The following ILK variants were observed in gnomAD, a reference collection of about 807,000 sequenced individuals.
ILK encodes integrin linked kinase, also known as scaffold protein ILK.
Under a neutral mutation model 57.8 loss-of-function variants are expected in ILK, and 37 were observed. The ratio of observed to expected loss-of-function variants is 0.64; its 90% confidence interval spans 0.49 to 0.84. ILK has a LOEUF of 0.84. Ranked by LOEUF, ILK falls within the 40% of genes least tolerant of loss-of-function variation. The pLI, the probability that ILK is intolerant of heterozygous loss-of-function variation, is 0.00. For synonymous variants in ILK, 231 were observed against 202.2 expected (o/e 1.14, Z -1.21); for missense variants, 528 against 595.7 (o/e 0.89, Z 1.18).
At chr11:6,606,942 A>G (rs1589931031) in intron 2 of ILK, 1 of 152,238 alleles carries the variant, frequency 6.6e-6, no homozygotes, top group East Asian at 1.9e-4. Context: ...TCTCAAGGAA[A>G]AGCTTTTGGC....
Position 6,608,426 on chromosome 11 carries a change from G to T in ILK, c.288G>T (p.Val96=). Reference sequence around the variant, plus strand: ...AGTACAAGGCAGACATCAATGCAGTGAATGAACACGGGAATGTGCCCCTGC... The same window carrying T: ...AGTACAAGGCAGACATCAATGCAGTTAATGAACACGGGAATGTGCCCCTGC... ...LLQYKADINA[V]NEHGNVPLHY... is the part of the protein sequence containing the mutation. Residue 96 remains valine, a synonymous_variant, in exon 4 of 13, where the codon GTG becomes GTT. Coordinates refer to ENST00000299421, the MANE Select transcript of ILK (RefSeq NM_004517.4). This position sits in a 1 kb window ranked among gnomAD's most constrained non-coding sequence, Gnocchi z 4.9. 6.2e-7 allele frequency: 1 copy of T among 1,614,206 alleles called. No homozygotes were observed. Among genetic ancestry groups the T allele is most frequent in the South Asian group, 1.1e-5 (1 of 91,086 alleles).
Position 6,608,784 on chromosome 11 carries a change from C to T in ILK, c.442C>T (p.Leu148Phe). ...DKAKAPLREL[L>F]RERAEKMGQN... Reference sequence around the variant, plus strand: ...AGCCAAGGCACCCCTGAGAGAGCTTCTCCGAGGTCCATCTCCCCATCCCCT... The same window carrying T: ...AGCCAAGGCACCCCTGAGAGAGCTTTTCCGAGGTCCATCTCCCCATCCCCT... The change falls in exon 5 of 13, where the codon CTC becomes TTC. Residue 148 changes from leucine (L) to phenylalanine (F), a missense_variant. Coordinates refer to ENST00000299421, the MANE Select transcript of ILK (RefSeq NM_004517.4). The surrounding 1 kb of genome is among the most constrained non-coding windows in gnomAD (Gnocchi z 4.9). 6.2e-7 allele frequency: 1 copy of T among 1,613,788 alleles called. No individual in the cohort carries two copies. Among genetic ancestry groups the T allele is most frequent in the Non-Finnish European group, 8.5e-7 (1 of 1,179,670 alleles).
intron 2 of ILK, chr11:6,606,732 G>C (rs1440815375): frequency 6.6e-6 from 1 of 152,266 alleles, no homozygotes. Flanking sequence ...GTCTTCTTGA[G>C]ATAGAAGTCC....
chr11:6,610,238 T>C lies in ILK; in HGVS notation c.1169T>C (p.Val390Ala), dbSNP rs989611359. 1.2e-6 allele frequency: 2 copies of C among 1,614,162 alleles called. No individual in the cohort carries two copies. The highest frequency in any genetic ancestry group is 3.3e-5 in the Admixed American group (2 of 60,022). Residue 390 changes from valine to alanine, a missense_variant, in exon 12 of 13, where the codon GTA becomes GCA. By Grantham distance (64) the Val-to-Ala change is moderately conservative. Transcript: ENST00000299421. ...CTGTGGGAACTGGTGACACGGGAGGTACCCTTTGCTGACCTCTCCAATATG... is the reference window on the plus strand; with the variant it reads ...CTGTGGGAACTGGTGACACGGGAGGCACCCTTTGCTGACCTCTCCAATATG... Reference protein sequence around the residue: ...VLLWELVTREVPFADLSNMEI... With the variant: ...VLLWELVTREAPFADLSNMEI...
At position 6,609,118 on chromosome 11, in the gene ILK, A is replaced by G. The variant is rs761882549; in HGVS notation, c.580A>G (p.Asn194Asp). The G allele has an allele frequency of 6.4e-5, 104 of 1,614,074 alleles. No homozygotes were observed. Among genetic ancestry groups the G allele is most frequent in the Non-Finnish European group, 8.7e-5 (103 of 1,180,022 alleles). ...KHSGIDFKQL[N>D]FLTKLNENHS... ...CTCTGGCATTGACTTCAAACAGCTTAACTTCCTGACGAAGCTCAACGAGAA... is the reference window on the plus strand; with the variant it reads ...CTCTGGCATTGACTTCAAACAGCTTGACTTCCTGACGAAGCTCAACGAGAA... The change falls in exon 7 of 13, where the codon AAC becomes GAC. Residue 194 changes from asparagine to aspartate, a missense_variant. By Grantham distance (23) the Asn-to-Asp change is conservative (BLOSUM62 1). Transcript: ENST00000299421.
Position 6,604,309 on chromosome 11 carries a change from C to T in ILK, c.38C>T (p.Ala13Val). 1 of 1,612,956 alleles carries T rather than the reference C, an allele frequency of 6.2e-7. No individual in the cohort carries two copies. The highest frequency in any genetic ancestry group is 1.3e-5 in the African/African-American group (1 of 75,044). Residue 13 changes from alanine to valine, a missense_variant, in exon 2 of 13, where the codon GCA becomes GTA. By Grantham distance (64) the Ala-to-Val change is moderately conservative (BLOSUM62 0). Coordinates refer to ENST00000299421, the MANE Select transcript of ILK (RefSeq NM_004517.4). ...TTCACTCAGTGCCGGGAGGGCAACG[C>T]AGTCGCCGTTCGCCTGTGGCTGGAC... ...DIFTQCREGN[A>V]VAVRLWLDNT...
Position 6,610,493 on chromosome 11 carries a change from C to T in ILK, c.1241C>T (p.Pro414Leu). 4.3e-6 allele frequency: 7 copies of T among 1,614,224 alleles called. No homozygotes were observed. The highest frequency in any genetic ancestry group is 5.9e-6 in the Non-Finnish European group (7 of 1,180,040). ...VALEGLRPTI[P>L]PGISPHVCKL... is the part of the protein sequence containing the mutation. Reference sequence around the variant, plus strand: ...TTGGAAGGCCTTCGGCCTACCATCCCACCAGGTATTTCCCCTCATGTGTGT... The same window carrying T: ...TTGGAAGGCCTTCGGCCTACCATCCTACCAGGTATTTCCCCTCATGTGTGT... The change falls in exon 13 of 13, where the codon CCA (proline) becomes CTA (leucine). Residue 414 changes from proline (P) to leucine (L), a missense_variant. Coordinates refer to ENST00000299421, the MANE Select transcript of ILK (RefSeq NM_004517.4).
rs774653281 is a variant in ILK, at chr11:6,608,424, GTGAA to G, written c.291_294del (p.Glu98ThrfsTer46). 1 of 1,614,064 alleles carries G rather than the reference GTGAA, an allele frequency of 6.2e-7. No individual in the cohort carries two copies. The highest frequency in any genetic ancestry group is 1.3e-5 in the African/African-American group (1 of 74,942). On this transcript the variant is annotated frameshift_variant, in exon 4 of 13. Transcript: ENST00000299421. LOFTEE classifies it high-confidence loss of function. This position sits in a 1 kb window ranked among gnomAD's most constrained non-coding sequence, Gnocchi z 4.9. Reference sequence around the variant, plus strand: ...GCAGTACAAGGCAGACATCAATGCAGTGAATGAACACGGGAATGTGCCCCTGCAC... The same window carrying G: ...GCAGTACAAGGCAGACATCAATGCAGTGAACACGGGAATGTGCCCCTGCAC...
In ILK at chr11:6,608,815, G is replaced by T. The variant is rs749988061; in HGVS notation, c.448+25G>T. 5.6e-6 allele frequency: 9 copies of T among 1,612,674 alleles called. No individual in the cohort carries two copies. The Admixed American group carries it at 6.7e-5, about 12-fold the overall frequency. On this transcript the variant is annotated intron_variant, in intron 5 of 12. Coordinates refer to ENST00000299421, the MANE Select transcript of ILK (RefSeq NM_004517.4). The surrounding 1 kb of genome is among the most constrained non-coding windows in gnomAD (Gnocchi z 4.9). ...GGTCCATCTCCCCATCCCCTAGCTT[G>T]TGTCCTCTCGTCCCTTCCCACCTGT...
rs371539613 is a variant in ILK at position 6,608,215 on chromosome 11, C to T, written c.255+4C>T. On this transcript the variant is annotated splice_donor_region_variant and intron_variant, in intron 3 of 12. Transcript: ENST00000299421. This position sits in a 1 kb window ranked among gnomAD's most constrained non-coding sequence, Gnocchi z 4.9. ...ACACCGTGATATTGTACAGAAGGTA[C>T]GTACAAACTCCTTCGTCATCCACAT... The T allele has an allele frequency of 8.7e-5, 141 of 1,613,970 alleles. No individual in the cohort carries two copies. Among genetic ancestry groups the T allele is most frequent in the African/African-American group, 4.0e-5 (3 of 74,926 alleles).
chr11:6,610,411 T>A, intron 12 of ILK, 51 bp from the exon 13 acceptor site: 5 of 1,614,014 alleles, frequency 3.1e-6, no homozygotes, highest in Non-Finnish European at 4.2e-6. Flanking sequence ...GTGGCTTCTC[T>A]CTACATGACA....
Position 6,610,693 on chromosome 11 carries a change from G to C in ILK, c.*82G>C, listed in dbSNP as rs1195889512. 2 of 1,559,718 alleles carry C rather than the reference G, an allele frequency of 1.3e-6. No individual in the cohort carries two copies. The highest frequency in any genetic ancestry group is 1.8e-6 in the Non-Finnish European group (2 of 1,134,570). ...ACCTCCCCAAAGCAGCAGGCCTCTG[G>C]TTGCCTCCCCCGCCTCCAGTCATGG... On this transcript the variant is annotated 3_prime_UTR_variant, in exon 13 of 13. Coordinates refer to ENST00000299421, the MANE Select transcript of ILK (RefSeq NM_004517.4).
chr11:6,609,680 G>C, intron 9 of ILK, 41 bp downstream of exon 9: 1 of 1,614,204 alleles, frequency 6.2e-7, no homozygotes, highest in Non-Finnish European at 8.5e-7. Flanking sequence ...GGAAATGGCA[G>C]AGAGGGAGCC....
intron 2 of ILK, 135 bp from the exon 3 acceptor site, chr11:6,607,911 T>G: frequency 1.1e-6 from 1 of 885,708 alleles, no homozygotes; most frequent in Middle Eastern, 3.3e-4. Flanking sequence ...GCTTTGGGAG[T>G]TGCTGGCATG....
In ILK at chr11:6,609,944, G is replaced by A; in HGVS notation, c.987G>A (p.Glu329=). 1 of 1,614,132 alleles carries A rather than the reference G, an allele frequency of 6.2e-7. No individual in the cohort carries two copies. Among genetic ancestry groups the A allele is most frequent in the Non-Finnish European group, 8.5e-7 (1 of 1,180,038 alleles). The part of the protein sequence containing the change: ...ALNSRSVMID[E]DMTARISMAD... ...TGTTTTCTCTTCCTCAGATTGATGA[G>A]GACATGACTGCCCGAATTAGCATGG... The change falls in exon 11 of 13, where the codon GAG becomes GAA. Residue 329 remains glutamate (E), a synonymous_variant. Transcript: ENST00000299421.
In ILK at chr11:6,610,557, G is replaced by A. The variant is rs1188999163; in HGVS notation, c.1305G>A (p.Lys435=). Residue 435 remains lysine (K), a synonymous_variant, in exon 13 of 13, where the codon AAG becomes AAA. Transcript: ENST00000299421. ...TCTGCATGAATGAAGACCCTGCAAA[G>A]CGACCCAAATTTGACATGATTGTGC... ...MKICMNEDPA[K]RPKFDMIVPI... 6.2e-7 allele frequency: 1 copy of A among 1,614,226 alleles called. No individual in the cohort carries two copies. Among genetic ancestry groups the A allele is most frequent in the Non-Finnish European group, 8.5e-7 (1 of 1,180,038 alleles).
chr11:6,604,624 C>T, intron 2 of ILK: 1 of 578,714 alleles, frequency 1.7e-6, no homozygotes, highest in Middle Eastern at 4.6e-4. Flanking sequence ...GGGCAAGGCA[C>T]AGAGCAGAGA....
chr11:6,604,762 T>G (rs1345438139), intron 2 of ILK: 6 of 474,584 alleles, frequency 1.3e-5, no homozygotes, highest in Non-Finnish European at 2.5e-5. Context: ...AGCCAGATCA[T>G]GCAAGCATAT....
chr11:6,609,707 C>G lies in ILK; in HGVS notation c.857-17C>G. 6.2e-7 allele frequency: 1 copy of G among 1,614,196 alleles called. No homozygotes were observed. The highest frequency in any genetic ancestry group is 8.5e-7 in the Non-Finnish European group (1 of 1,180,018). On this transcript the variant is annotated splice_polypyrimidine_tract_variant and intron_variant, in intron 9 of 12. Transcript: ENST00000299421. ...GAGGGAGCCTCTCTGAACTATTTGA[C>G]TTTTGCCTCCTCTCAGATTTCGTCG...
Sources: gnomAD v4.1 joint callset for allele counts on GRCh38, gnomAD v4.1.1 for gene constraint, Gnocchi (gnomAD v3.1) non-coding constraint, MANE v1.5 for transcripts, NCBI Gene and HGNC (gene_info 2026-07-23, HGNC 2026-07-21) for gene names.